The following CFAP58 variants were observed in gnomAD, a reference collection of about 807,000 sequenced individuals.
The protein encoded by CFAP58 is cilia and flagella associated protein 58.
Under a neutral mutation model 119.5 loss-of-function variants are expected in CFAP58, and 88 were observed. The observed-to-expected ratio is 0.74, with a 90% confidence interval of 0.62 to 0.88. The LOEUF is 0.88. Among genes scored for constraint, CFAP58 ranks in the 40% least tolerant of loss-of-function variants. CFAP58 has a pLI of 0.00. For missense variants in CFAP58, 990 were observed against 1,021.2 expected (o/e 0.97, Z 0.42); for synonymous variants, 365 against 366.3 (o/e 1.00, Z 0.04).
At chr10:104,346,209 C>T in the CFAP58 span, among the ~76,000 whole-genome samples, 1 of 152,018 alleles carries the variant, frequency 6.6e-6, no homozygotes, top group Non-Finnish European at 1.5e-5. Context: ...AGAACTCACT[C>T]ATTACCTCTG....
chr10:104,385,635 A>G (rs1589917230), intron 9 of CFAP58, among the ~76,000 whole-genome samples: 6 of 151,982 alleles, frequency 3.9e-5, no homozygotes, highest in Admixed American at 3.9e-4. Context: ...TGGGCAACAT[A>G]GGAGACCTGG....
At chr10:104,389,985 G>T (rs2012000292) in intron 9 of CFAP58, among the ~76,000 whole-genome samples, 1 of 152,164 alleles carries the variant, frequency 6.6e-6, no homozygotes, top group Non-Finnish European at 1.5e-5. Context: ...TCCTGAAGCT[G>T]CAAGGATAGT....
intron 15 of CFAP58, among the ~76,000 whole-genome samples, chr10:104,416,767 G>A (rs112454031): frequency 5.3e-4 from 81 of 152,292 alleles, no homozygotes; most frequent in Non-Finnish European, 8.8e-4. Context: ...AAGGGAACAC[G>A]TAGGCCAGGA....
At chr10:104,357,777 A>G (rs974328624) in intron 1 of CFAP58, among the ~76,000 whole-genome samples, 1 of 150,242 alleles carries the variant, frequency 6.7e-6, no homozygotes, top group Admixed American at 6.6e-5. Flanking sequence ...GTGTGTATAT[A>G]TGTGTGTTTA....
intron 11 of CFAP58, among the ~76,000 whole-genome samples, chr10:104,398,442 G>A (rs957377109): frequency 2.6e-5 from 4 of 152,188 alleles, no homozygotes; most frequent in East Asian, 3.8e-4. Context: ...GAGTAGTTAC[G>A]CAAATGCCTA....
chr10:104,421,773 G>A (rs2012661937), intron 15 of CFAP58, among the ~76,000 whole-genome samples: 1 of 152,222 alleles, frequency 6.6e-6, no homozygotes, highest in Admixed American at 6.5e-5. Context: ...ATAGGTAATA[G>A]TAGTGCCTAT....
At chr10:104,439,896 T>A (rs952954693) in intron 15 of CFAP58, among the ~76,000 whole-genome samples, 5 of 152,208 alleles carry the variant, frequency 3.3e-5, no homozygotes, top group African/African-American at 4.8e-5. Context: ...CTCGGCTCAC[T>A]GCAAGCTCCG....
intron 15 of CFAP58, among the ~76,000 whole-genome samples, chr10:104,443,578 A>G (rs2013071624): frequency 6.6e-6 from 1 of 152,266 alleles, no homozygotes; most frequent in South Asian, 2.1e-4. Flanking sequence ...CCTCTCAGTC[A>G]GTTATTGCTT....
chr10:104,358,705 A>C (rs372437756), intron 2 of CFAP58, 83 bp downstream of exon 2: 6 of 1,265,524 alleles, frequency 4.7e-6, no homozygotes, highest in African/African-American at 3.0e-5. Context: ...GCTGGTAGTA[A>C]ATGAGTTATT....
chr10:104,350,475 G>A (rs986101132), upstream of CFAP58, among the ~76,000 whole-genome samples: 2 of 152,110 alleles, frequency 1.3e-5, no homozygotes, highest in African/African-American at 4.8e-5. Flanking sequence ...TGATATGTCC[G>A]ACCACCCATC....
intron 15 of CFAP58, among the ~76,000 whole-genome samples, chr10:104,415,059 C>G (rs1045080539): frequency 6.6e-6 from 1 of 152,160 alleles, no homozygotes; most frequent in Non-Finnish European, 1.5e-5. Context: ...AGACCTCGTC[C>G]CAGCCTTGAA....
chr10:104,389,539 A>C (rs2011991997), intron 9 of CFAP58, among the ~76,000 whole-genome samples: 1 of 152,206 alleles, frequency 6.6e-6, no homozygotes, highest in Admixed American at 6.5e-5. Flanking sequence ...AAGTATTTTC[A>C]ATCTATTAAG....
At chr10:104,381,911 A>G (rs1184482019) in intron 9 of CFAP58, among the ~76,000 whole-genome samples, 4 of 152,182 alleles carry the variant, frequency 2.6e-5, no homozygotes, top group Admixed American at 2.0e-4. Context: ...TAGAAGCTCC[A>G]GTGATTGATT....
chr10:104,338,958 T>G, the CFAP58 span, among the ~76,000 whole-genome samples: 2 of 149,368 alleles, frequency 1.3e-5, no homozygotes, highest in Non-Finnish European at 3.0e-5. Context: ...CAGGCTGGAG[T>G]GCAATGGTGG....
intron 8 of CFAP58, among the ~76,000 whole-genome samples, chr10:104,379,531 G>C (rs2011738324): frequency 2.0e-5 from 3 of 152,198 alleles, no homozygotes; most frequent in Admixed American, 2.0e-4. Context: ...AAATTATTGG[G>C]TCATGTGTTA....
At chr10:104,393,230 G>C (rs958516205) in intron 10 of CFAP58, 99 bp from the exon 11 acceptor site, 1 of 1,076,184 alleles carries the variant, frequency 9.3e-7, no homozygotes, top group Non-Finnish European at 1.4e-6. Flanking sequence ...CCATTGTTTT[G>C]AGAGAGCGTC....
upstream of CFAP58, chr10:104,353,807 C>A (rs1034137542): frequency 2.0e-6 from 3 of 1,484,532 alleles, no homozygotes; most frequent in Non-Finnish European, 2.8e-6. Flanking sequence ...ATAGAGACAG[C>A]GCGTCGCGCC....
At chr10:104,390,967 A>G (rs2012028016) in intron 9 of CFAP58, among the ~76,000 whole-genome samples, 1 of 152,192 alleles carries the variant, frequency 6.6e-6, no homozygotes, top group East Asian at 1.9e-4. Flanking sequence ...AGCACCTGTA[A>G]AAAAATTTTG....
intron 15 of CFAP58, among the ~76,000 whole-genome samples, chr10:104,407,219 T>G (rs2012377874): frequency 6.6e-6 from 1 of 152,196 alleles, no homozygotes; most frequent in African/African-American, 2.4e-5. Context: ...AGAGATTTCT[T>G]TTTGAGGATT....
Sources: gnomAD v4.1 joint callset for allele counts (sites outside exome capture counted in the v4.1 genomes callset) on GRCh38, gnomAD v4.1.1 for gene constraint, MANE v1.5 for transcripts, NCBI Gene and HGNC (gene_info 2026-07-23, HGNC 2026-07-21) for gene names.